The following NDST4 variants were observed in gnomAD, a reference collection of about 807,000 sequenced individuals.
NDST4 encodes N-heparan sulfate sulfotransferase 4.
In NDST4, 63 loss-of-function variants were observed where a neutral mutation model predicts 100.8. The ratio of observed to expected loss-of-function variants is 0.62; its 90% CI spans 0.51 to 0.77. The LOEUF (loss-of-function observed/expected upper bound fraction) is 0.77, where lower values mean the gene tolerates loss of function less well. Among genes scored for constraint, NDST4 ranks in the 30% least tolerant of loss-of-function variants. NDST4 has a pLI of 0.00. For missense variants in NDST4, 943 were observed against 1,018.4 expected (o/e 0.93, Z 1.01); for synonymous variants, 377 against 361.8 (o/e 1.04, Z -0.48).
intron 2 of NDST4, among the ~76,000 whole-genome samples, chr4:115,068,169 GT>G (rs1728992574): frequency 6.6e-6 from 1 of 151,654 alleles, no homozygotes; most frequent in South Asian, 2.1e-4. Flanking sequence ...TATCATCTTT[GT>G]TTTCATCATC....
chr4:114,828,084 T>G (rs1723120287), intron 13 of NDST4, 149 bp from the exon 14 acceptor site: 2 of 756,150 alleles, frequency 2.6e-6, no homozygotes, highest in Non-Finnish European at 3.8e-6. Context: ...ATATCAGTTA[T>G]TTTTACCTTT....
At chr4:115,091,680 A>G (rs1193989365) in intron 1 of NDST4, among the ~76,000 whole-genome samples, 1 of 152,188 alleles carries the variant, frequency 6.6e-6, no homozygotes, top group African/African-American at 2.4e-5. Context: ...GTGAAAATAC[A>G]TGTTCATATG....
At chr4:114,981,021 G>T (rs895375469) in intron 2 of NDST4, among the ~76,000 whole-genome samples, 1 of 152,034 alleles carries the variant, frequency 6.6e-6, no homozygotes. Context: ...AAGCCAGCCT[G>T]GGCAACATGG....
intron 2 of NDST4, among the ~76,000 whole-genome samples, chr4:115,056,641 C>A (rs1399540097): frequency 1.3e-5 from 2 of 152,096 alleles, no homozygotes; most frequent in Non-Finnish European, 2.9e-5. Context: ...ATGAACCATC[C>A]AACTTTTATT....
chr4:114,932,697 A>G (rs1725540188), intron 6 of NDST4, among the ~76,000 whole-genome samples: 1 of 152,028 alleles, frequency 6.6e-6, no homozygotes, highest in African/African-American at 2.4e-5. Context: ...TACACTGACA[A>G]GTTATCTGAA....
intron 6 of NDST4, among the ~76,000 whole-genome samples, chr4:114,912,014 C>T (rs971448880): frequency 1.3e-5 from 2 of 152,080 alleles, no homozygotes; most frequent in African/African-American, 2.4e-5. Context: ...TTGGTAATAA[C>T]CTGCTACCAA....
intron 2 of NDST4, among the ~76,000 whole-genome samples, chr4:115,041,601 T>C (rs117481208): frequency 0.014 from 2,115 of 152,190 alleles, 54 homozygotes; most frequent in East Asian, 0.073. Context: ...GAAATATGAA[T>C]GTAAAGAAAA....
At chr4:114,886,108 T>C (rs1018296351) in intron 6 of NDST4, among the ~76,000 whole-genome samples, 15 of 152,080 alleles carry the variant, frequency 9.9e-5, no homozygotes, top group African/African-American at 3.1e-4. Flanking sequence ...TCAAAAGACT[T>C]CAAGTAAATT....
chr4:115,013,346 C>CATATATATATATATATATATATAT (rs200801455), intron 2 of NDST4, among the ~76,000 whole-genome samples: 14 of 65,340 alleles, frequency 2.1e-4, no homozygotes, highest in African/African-American at 4.4e-4. Context: ...ATATAAATAC[C>CATATATATATATATATATATATAT]ATATATATAT....
intron 2 of NDST4, among the ~76,000 whole-genome samples, chr4:114,983,056 A>G (rs1726815205): frequency 6.6e-6 from 1 of 152,114 alleles, no homozygotes; most frequent in African/African-American, 2.4e-5. Context: ...CTTCACCTGG[A>G]TTTCAGAGGA....
At chr4:114,860,291 G>C (rs1027831178) in intron 7 of NDST4, among the ~76,000 whole-genome samples, 1 of 151,960 alleles carries the variant, frequency 6.6e-6, no homozygotes, top group Non-Finnish European at 1.5e-5. Context: ...TGTAGTTTTA[G>C]TTCAACTAAC....
chr4:115,081,011 T>C (rs1389697878), intron 1 of NDST4, among the ~76,000 whole-genome samples: 1 of 152,094 alleles, frequency 6.6e-6, no homozygotes, highest in African/African-American at 2.4e-5. Flanking sequence ...ATTAAAAATG[T>C]GATTTTTATT....
intron 2 of NDST4, among the ~76,000 whole-genome samples, chr4:115,060,248 G>A (rs1429994968): frequency 1.3e-5 from 2 of 151,896 alleles, no homozygotes; most frequent in Non-Finnish European, 2.9e-5. Flanking sequence ...AAGTTTATGG[G>A]TTTTAGGGTG....
chr4:114,938,185 G>A (rs1252774501), intron 4 of NDST4, among the ~76,000 whole-genome samples: 1 of 152,100 alleles, frequency 6.6e-6, no homozygotes, highest in Non-Finnish European at 1.5e-5. Flanking sequence ...TTTATGGTCA[G>A]ATTCAAAGGC....
intron 6 of NDST4, among the ~76,000 whole-genome samples, chr4:114,871,195 A>G (rs1724142288): frequency 6.6e-6 from 1 of 152,152 alleles, no homozygotes; most frequent in Admixed American, 6.6e-5. Flanking sequence ...ATTACTTTGC[A>G]TATCAGTTTT....
At chr4:115,091,498 A>G (rs531275663) in intron 1 of NDST4, among the ~76,000 whole-genome samples, 5 of 152,244 alleles carry the variant, frequency 3.3e-5, no homozygotes, top group Middle Eastern at 3.4e-3. Flanking sequence ...AAAAAACACA[A>G]GAGCTATATT....
chr4:114,863,091 C>T (rs188512445), intron 7 of NDST4, among the ~76,000 whole-genome samples: 15 of 152,198 alleles, frequency 9.9e-5, no homozygotes, highest in Non-Finnish European at 1.3e-4. Flanking sequence ...ATATTCTGAA[C>T]ATGTTTGTTC....
intron 7 of NDST4, among the ~76,000 whole-genome samples, chr4:114,868,714 G>A (rs1278542700): frequency 6.6e-6 from 1 of 151,524 alleles, no homozygotes; most frequent in Non-Finnish European, 1.5e-5. Flanking sequence ...AATAGCAAAG[G>A]GAGTCTTTCA....
At chr4:114,984,321 G>A (rs1374968016) in intron 2 of NDST4, among the ~76,000 whole-genome samples, 3 of 152,102 alleles carry the variant, frequency 2.0e-5, no homozygotes, top group African/African-American at 7.2e-5. Context: ...TGGGACTACA[G>A]GCACCCACCA....
Sources: allele counts gnomAD v4.1 joint callset (sites outside exome capture counted in the v4.1 genomes callset), GRCh38; gene constraint gnomAD v4.1.1; transcripts MANE v1.5; gene names NCBI Gene and HGNC (gene_info 2026-07-23, HGNC 2026-07-21).